The following IL4R variants were observed in gnomAD, a reference collection of about 807,000 sequenced individuals.
The protein encoded by IL4R is interleukin 4 receptor, also known as interleukin-4 receptor subunit alpha.
In IL4R, 17 loss-of-function variants were observed where a neutral mutation model predicts 41.5. The ratio of observed to expected loss-of-function variants is 0.41; its 90% confidence interval spans 0.28 to 0.61. The LOEUF (loss-of-function observed/expected upper bound fraction) is 0.61, where lower values mean the gene tolerates loss of function less well. Among genes scored for constraint, IL4R ranks in the 20% least tolerant of loss-of-function variants. The probability of loss-of-function intolerance (pLI) is 0.31; values close to 1 mark genes in which losing one functional copy is unlikely to be tolerated. For synonymous variants in IL4R, 402 were observed against 422.9 expected, an observed-to-expected ratio of 0.95 and a Z score of 0.61; for missense variants, 974 against 1,043.1, an observed-to-expected ratio of 0.93 and a Z score of 0.91.
chr16:27,350,256 A>G (rs3024598), intron 6 of IL4R, among the ~76,000 whole-genome samples: 1,834 of 152,244 alleles, frequency 0.012, 43 homozygotes, highest in African/African-American at 0.042. Flanking sequence ...TCCAGGGTGT[A>G]AGATTTCTTC....
chr16:27,363,873 G>C lies in IL4R; in HGVS notation c.*43G>C. 1 of 1,544,712 alleles carries C rather than the reference G, an allele frequency of 6.5e-7. No individual in the cohort carries two copies. ...GCTGAGTCTGCAGATGAGGACTAGG[G>C]CTTATCCATGCCTGGGAAATGCCAC... On this transcript the variant is annotated 3_prime_UTR_variant, in exon 11 of 11. Coordinates refer to ENST00000395762, the MANE Select transcript of IL4R (RefSeq NM_000418.4).
intron 4 of IL4R, among the ~76,000 whole-genome samples, 157 bp from the exon 5 acceptor site, chr16:27,344,712 A>G (rs2085570880): frequency 6.6e-6 from 1 of 152,164 alleles, no homozygotes; most frequent in Non-Finnish European, 1.5e-5. Flanking sequence ...CTGCCCCAGC[A>G]CACCCTGGCC....
At chr16:27,337,232 C>T (rs781779267) in intron 2 of IL4R, among the ~76,000 whole-genome samples, 4 of 152,064 alleles carry the variant, frequency 2.6e-5, no homozygotes, top group Non-Finnish European at 5.9e-5. Context: ...CCAAGTCACT[C>T]GGAGAGCATC....
rs186310769 is a variant in IL4R at position 27,330,660 on chromosome 16, C to G, written c.-19+462C>G. Among the ~76,000 whole-genome samples the G allele has an allele frequency of 3.7e-3, 568 of 152,246 alleles. 5 individuals are homozygous for G. Among genetic ancestry groups the G allele is most frequent in the Non-Finnish European group, 4.7e-3 (320 of 68,000 alleles). ...AGGATCCAGCACAGTTCTATCATCACAAGGATGGCTCAAATTCTCCTTTTA... is the reference window on the plus strand; with the variant it reads ...AGGATCCAGCACAGTTCTATCATCAGAAGGATGGCTCAAATTCTCCTTTTA... On this transcript the variant is annotated intron_variant, in intron 2 of 10. Coordinates refer to ENST00000395762, the MANE Select transcript of IL4R (RefSeq NM_000418.4).
intron 8 of IL4R, among the ~76,000 whole-genome samples, chr16:27,357,342 C>A (rs150966484): frequency 6.6e-6 from 1 of 152,154 alleles, no homozygotes; most frequent in Admixed American, 6.5e-5. Context: ...TGCAGTGGCG[C>A]GGTTACGGCT....
rs1032196613 is a variant in IL4R, at chr16:27,360,751, G to A, written c.850-15G>A. On this transcript the variant is annotated splice_polypyrimidine_tract_variant and intron_variant, in intron 9 of 10. Transcript: ENST00000395762. ...AGGCCACTCTGCTCTTTCATTGGCTGTCTCTGTATTTTAGGGGTCACAGTG... is the reference window on the plus strand; with the variant it reads ...AGGCCACTCTGCTCTTTCATTGGCTATCTCTGTATTTTAGGGGTCACAGTG... 6.8e-6 allele frequency: 11 copies of A among 1,614,084 alleles called. No homozygotes were observed. Among genetic ancestry groups the A allele is most frequent in the South Asian group, 2.2e-5 (2 of 91,068 alleles).
intron 1 of IL4R, 124 bp downstream of exon 1, chr16:27,314,144 G>T: frequency 1.0e-6 from 1 of 973,642 alleles, no homozygotes; most frequent in Non-Finnish European, 1.2e-6. Context: ...ACTCCGAGCG[G>T]GGCCCGAGCC....
intron 5 of IL4R, 124 bp from the exon 6 acceptor site, chr16:27,346,343 G>C: frequency 1.3e-6 from 1 of 746,440 alleles, no homozygotes; most frequent in Non-Finnish European, 2.3e-6. Context: ...TGCTCCAGAA[G>C]TATGCTATGG....
intron 1 of IL4R, among the ~76,000 whole-genome samples, chr16:27,324,797 C>G (rs949326179): frequency 6.6e-6 from 1 of 152,138 alleles, no homozygotes; most frequent in East Asian, 1.9e-4. Flanking sequence ...GTCCACAGTG[C>G]GCCGGAGCGC....
intron 1 of IL4R, among the ~76,000 whole-genome samples, chr16:27,315,015 G>T (rs2084597928): frequency 6.6e-6 from 1 of 152,046 alleles, no homozygotes; most frequent in South Asian, 2.1e-4. Context: ...ACTTAAGCAA[G>T]ATAGGGGACC....
At chr16:27,346,651 CCT>C (rs746935240) in intron 6 of IL4R, 33 bp downstream of exon 6, 4 of 1,611,468 alleles carry the variant, frequency 2.5e-6, no homozygotes, top group Non-Finnish European at 2.5e-6. Flanking sequence ...TTTTCTGTGA[CCT>C]CTGGGGAACA....
intron 7 of IL4R, among the ~76,000 whole-genome samples, chr16:27,354,858 G>A (rs1208804869): frequency 1.3e-5 from 2 of 152,222 alleles, no homozygotes; most frequent in Admixed American, 1.3e-4. Flanking sequence ...TGGGCTGTGA[G>A]CTCCATAGGC....
At chr16:27,329,029 G>T (rs1212464442) in intron 1 of IL4R, among the ~76,000 whole-genome samples, 1 of 152,092 alleles carries the variant, frequency 6.6e-6, no homozygotes, top group East Asian at 1.9e-4. Flanking sequence ...GGTGGGTCCT[G>T]GTGGGAGATG....
Position 27,355,846 on chromosome 16 carries a change from G to A in IL4R, c.709G>A (p.Val237Ile), listed in dbSNP as rs574403910. ...EPFEQHLLLG[V>I]SVSCIVILAV... is the part of the protein sequence containing the mutation. Reference sequence around the variant, plus strand: ...CTTCGAGCAGCACCTCCTGCTGGGCGTCAGCGTTTCCTGCATTGTCATCCT... The same window carrying A: ...CTTCGAGCAGCACCTCCTGCTGGGCATCAGCGTTTCCTGCATTGTCATCCT... The change falls in exon 8 of 11, where the codon GTC becomes ATC. Residue 237 changes from valine to isoleucine, a missense_variant. Physicochemically the swap from Val to Ile is conservative, Grantham distance 29. Around this residue, in one of 3 missense-constraint regions of IL4R, gnomAD observed 284 missense variants for 313.4 expected, o/e 0.91. Transcript: ENST00000395762. 62 of 1,613,656 alleles carry A rather than the reference G, an allele frequency of 3.8e-5. No homozygotes were observed. Among genetic ancestry groups the A allele is most frequent in the Middle Eastern group, 1.7e-4 (1 of 6,060 alleles).
At chr16:27,324,781 CAA>C (rs1360591514) in intron 1 of IL4R, among the ~76,000 whole-genome samples, 2 of 152,176 alleles carry the variant, frequency 1.3e-5, no homozygotes, top group African/African-American at 2.4e-5. Flanking sequence ...TGTGTGGACT[CAA>C]AGTGTCCACA....
At chr16:27,332,839 G>A (rs1190059726) in intron 2 of IL4R, among the ~76,000 whole-genome samples, 6 of 151,624 alleles carry the variant, frequency 4.0e-5, no homozygotes, top group African/African-American at 1.5e-4. Context: ...CTTTTGCTAC[G>A]TCTCACCGAT....
Position 27,346,619 on chromosome 16 carries a change from G to A in IL4R, c.513+1G>A, listed in dbSNP as rs1567323744. The A allele has an allele frequency of 6.2e-7, 1 of 1,614,000 alleles. No homozygotes were observed. The highest frequency in any genetic ancestry group is 2.2e-5 in the East Asian group (1 of 44,892). On this transcript the variant is annotated splice_donor_variant, in intron 6 of 10. Transcript: ENST00000395762. LOFTEE classifies it high-confidence loss of function. ...TTGGAGTGAAAACGACCCGGCAGAT[G>A]TGAGTGGGCATGCTTTGACGTTTTT...
intron 6 of IL4R, among the ~76,000 whole-genome samples, chr16:27,349,743 A>G (rs1567326265): frequency 6.6e-6 from 1 of 151,890 alleles, no homozygotes; most frequent in Non-Finnish European, 1.5e-5. Flanking sequence ...GGCAGGGCTG[A>G]GTTTTTGTTG....
At chr16:27,355,038 C>T (rs769064067) in intron 7 of IL4R, 1 of 467,610 alleles carries the variant, frequency 2.1e-6, no homozygotes, top group South Asian at 1.6e-5. Flanking sequence ...TGCTGAGTTC[C>T]TCCTACATGG....
Sources: gnomAD v4.1 joint callset for allele counts (sites outside exome capture counted in the v4.1 genomes callset) on GRCh38, gnomAD v4.1.1 for gene constraint, gnomAD v4.1.1 regional missense constraint, MANE v1.5 for transcripts, NCBI Gene and HGNC (gene_info 2026-07-23, HGNC 2026-07-21) for gene names.